The following SLIT3 variants were observed in gnomAD, a reference collection of about 807,000 sequenced individuals.
SLIT3 encodes the protein slit guidance ligand 3, also known as slit homolog 3 protein.
In SLIT3, 68 loss-of-function variants were observed where a neutral mutation model predicts 184.0. That is an observed-to-expected ratio of 0.37 (90% CI 0.30 to 0.45). SLIT3 has a LOEUF of 0.45. Ranked by LOEUF, SLIT3 falls within the 20% of genes least tolerant of loss-of-function variation. SLIT3 has a pLI of 1.00. For synonymous variants in SLIT3, 831 were observed against 828.6 expected (o/e 1.00, Z -0.05); for missense variants, 1,707 against 2,026.0 (o/e 0.84, Z 3.02).
At chr5:169,291,051 T>C (rs1182976142) in intron 1 of SLIT3, among the ~76,000 whole-genome samples, 2 of 151,886 alleles carry the variant, frequency 1.3e-5, no homozygotes, top group African/African-American at 4.8e-5. Flanking sequence ...GAATCAGGGG[T>C]CAGGAACCAG....
At chr5:168,961,950 G>C (rs1315388341) in intron 4 of SLIT3, among the ~76,000 whole-genome samples, 3 of 152,100 alleles carry the variant, frequency 2.0e-5, no homozygotes. Flanking sequence ...GTATGATATG[G>C]AGAATGGACA....
intron 5 of SLIT3, chr5:168,844,870 C>A: frequency 8.5e-6 from 4 of 469,526 alleles, no homozygotes; most frequent in Non-Finnish European, 1.1e-5. Flanking sequence ...AAAAGGCTGT[C>A]AGGTCTCAGT....
At chr5:169,110,726 G>A (rs295988) in intron 4 of SLIT3, among the ~76,000 whole-genome samples, 117,164 of 152,096 alleles carry the variant, frequency 0.77, 45,304 homozygotes, top group East Asian at 0.93. Flanking sequence ...GCATAACACC[G>A]GGCTACGTTA....
intron 4 of SLIT3, among the ~76,000 whole-genome samples, chr5:169,109,079 C>T (rs1760319779): frequency 6.6e-6 from 1 of 152,164 alleles, no homozygotes; most frequent in South Asian, 2.1e-4. Flanking sequence ...GATGGGATGT[C>T]ACTCTTTTGA....
chr5:169,171,416 G>C (rs906236640), intron 4 of SLIT3, among the ~76,000 whole-genome samples: 3 of 152,132 alleles, frequency 2.0e-5, no homozygotes, highest in African/African-American at 7.2e-5. Flanking sequence ...AAATAAATGT[G>C]TGTGGGGAGG....
rs568662913 is a variant in SLIT3, at chr5:169,024,265, C to T, written c.414-140929G>A. 3.3e-5 allele frequency: 5 copies of T among 152,266 alleles called. No individual in the cohort carries two copies. The South Asian group carries it at 6.2e-4, about 19-fold the overall frequency. The allele number at this position is 152,266 out of a possible 1,614,324, so 9.4% of individuals were successfully genotyped here. A position where few individuals can be genotyped will look rare whatever the true frequency, so the allele number is the denominator to read the frequency against. On this transcript the variant is annotated intron_variant, in intron 4 of 35. Coordinates refer to ENST00000519560, the MANE Select transcript of SLIT3 (RefSeq NM_003062.4). ...GTGGCATTTGAAGGGGATAAGATGACGTTCTTATTTATTTGTTATGTGCAT... is the reference window on the plus strand; with the variant it reads ...GTGGCATTTGAAGGGGATAAGATGATGTTCTTATTTATTTGTTATGTGCAT...
chr5:168,757,236 T>A (rs1754977988), intron 16 of SLIT3, among the ~76,000 whole-genome samples: 1 of 152,164 alleles, frequency 6.6e-6, no homozygotes, highest in Non-Finnish European at 1.5e-5. Context: ...TTGGGTTAGT[T>A]CAGAGCCCCT....
At position 168,809,438 on chromosome 5, in the gene SLIT3, A is replaced by T. The variant is rs114447989; in HGVS notation, c.794-2851T>A. Reference sequence around the variant, plus strand: ...CAGCTCACCAGCCAGGCATTCGCACATGGTGAGGACGTTACCTTCCTGTTT... The same window carrying T: ...CAGCTCACCAGCCAGGCATTCGCACTTGGTGAGGACGTTACCTTCCTGTTT... On this transcript the variant is annotated intron_variant, in intron 8 of 35. Coordinates refer to ENST00000519560, the MANE Select transcript of SLIT3 (RefSeq NM_003062.4). 6.9e-3 allele frequency among the ~76,000 whole-genome samples: 1,047 copies of T among 152,330 alleles called. 8 individuals are homozygous for T. The highest frequency in any genetic ancestry group is 0.024 in the African/African-American group (1,007 of 41,580).
chr5:168,728,282 A>G lies in SLIT3; in HGVS notation c.2271-3798T>C, dbSNP rs749049442. ...CAAAGTATCTTAATCAACAACATAT[A>G]TATATATATATATATATATCCTCAG... is the stretch of plus-strand genomic sequence containing the variant. On this transcript the variant is annotated intron_variant, in intron 20 of 35. Transcript: ENST00000519560. Among the ~76,000 whole-genome samples the G allele has an allele frequency of 4.5e-4, 66 of 148,150 alleles. 1 individual carries two copies. Among genetic ancestry groups the G allele is most frequent in the Non-Finnish European group, 8.2e-4 (55 of 67,006 alleles).
Position 169,278,034 on chromosome 5 carries a change from G to T in SLIT3, c.197+22479C>A, listed in dbSNP as rs150031701. On this transcript the variant is annotated intron_variant, in intron 1 of 35. Coordinates refer to ENST00000519560, the MANE Select transcript of SLIT3 (RefSeq NM_003062.4). ...ACCACTGCACGAGGTGCACATGGGT[G>T]CATGGACTATAGCTTTGTTGAATGA... is the stretch of plus-strand genomic sequence containing the variant. Among the ~76,000 whole-genome samples the T allele has an allele frequency of 4.7e-3, 715 of 152,326 alleles. 5 individuals are homozygous for T. Among genetic ancestry groups the T allele is most frequent in the Non-Finnish European group, 8.0e-3 (544 of 68,022 alleles).
At chr5:168,765,781 C>T (rs1445586172) in intron 14 of SLIT3, among the ~76,000 whole-genome samples, 1 of 152,080 alleles carries the variant, frequency 6.6e-6, no homozygotes, top group Non-Finnish European at 1.5e-5. Flanking sequence ...GGCCATAAAA[C>T]TCAACCTCGG....
chr5:168,704,016 G>A (rs1336702797), intron 26 of SLIT3, among the ~76,000 whole-genome samples: 2 of 145,338 alleles, frequency 1.4e-5, no homozygotes, highest in South Asian at 2.2e-4. Flanking sequence ...TTCTGAGATC[G>A]CACGAGGAAT....
chr5:169,081,084 G>A (rs36113577), intron 4 of SLIT3, among the ~76,000 whole-genome samples: 6,074 of 152,246 alleles, frequency 0.04, 163 homozygotes, highest in Middle Eastern at 0.1. Flanking sequence ...TGGCCTGGGG[G>A]AACAGGGAAG....
intron 12 of SLIT3, among the ~76,000 whole-genome samples, chr5:168,774,907 TTC>T (rs1193179847): frequency 1.3e-5 from 2 of 152,166 alleles, no homozygotes; most frequent in Non-Finnish European, 2.9e-5. Flanking sequence ...TACATATGGA[TTC>T]TCTGTCATAC....
intron 20 of SLIT3, among the ~76,000 whole-genome samples, chr5:168,744,634 T>C (rs571631683): frequency 2.6e-5 from 4 of 152,352 alleles, no homozygotes; most frequent in East Asian, 1.9e-4. Context: ...GCTTTTATTA[T>C]GCTAAATCTA....
intron 5 of SLIT3, among the ~76,000 whole-genome samples, chr5:168,874,494 CCTT>C (rs1399241080): frequency 6.6e-6 from 1 of 152,220 alleles, no homozygotes; most frequent in Non-Finnish European, 1.5e-5. Flanking sequence ...CTCAACCTCT[CCTT>C]TTACGTAACT....
At chr5:169,035,686 T>C (rs532630368) in intron 4 of SLIT3, among the ~76,000 whole-genome samples, 1 of 151,690 alleles carries the variant, frequency 6.6e-6, no homozygotes, top group South Asian at 2.1e-4. Flanking sequence ...TCATTTACTC[T>C]TCACAACAAG....
At chr5:169,281,219 G>T (rs972336726) in intron 1 of SLIT3, among the ~76,000 whole-genome samples, 2 of 152,178 alleles carry the variant, frequency 1.3e-5, no homozygotes, top group Non-Finnish European at 2.9e-5. Flanking sequence ...TGGGCGCAGT[G>T]GCTCATCCCA....
intron 4 of SLIT3, among the ~76,000 whole-genome samples, chr5:168,989,720 C>T (rs983821828): frequency 3.9e-5 from 6 of 152,124 alleles, no homozygotes; most frequent in Admixed American, 1.3e-4. Flanking sequence ...CACCCTAAAA[C>T]GAGAAGATCA....
Sources: allele counts gnomAD v4.1 joint callset (sites outside exome capture counted in the v4.1 genomes callset), GRCh38; gene constraint gnomAD v4.1.1; transcripts MANE v1.5; gene names NCBI Gene and HGNC (gene_info 2026-07-23, HGNC 2026-07-21).